HIVEP3: variants seen among roughly 807,000 people sequenced by gnomAD.
HIVEP3 encodes the protein HIVEP zinc finger 3.
In HIVEP3, 49 loss-of-function variants were observed where a neutral mutation model predicts 152.8. The ratio of observed to expected loss-of-function variants is 0.32; its 90% CI spans 0.26 to 0.41. The LOEUF (loss-of-function observed/expected upper bound fraction) is 0.41, where lower values mean the gene tolerates loss of function less well. Among genes scored for constraint, HIVEP3 ranks in the 10% least tolerant of loss-of-function variants. The probability of loss-of-function intolerance (pLI) is 1.00; values close to 1 mark genes in which losing one functional copy is unlikely to be tolerated. For synonymous variants in HIVEP3, 1,269 were observed against 1,289.0 expected (o/e 0.98, Z 0.33); for missense variants, 2,790 against 3,103.3 (o/e 0.90, Z 2.40).
chr1:41,730,856 G>A (rs552227702), intron 1 of HIVEP3, among the ~76,000 whole-genome samples: 1 of 152,294 alleles, frequency 6.6e-6, no homozygotes, highest in Non-Finnish European at 1.5e-5. Flanking sequence ...ATAGGCCAGG[G>A]TCCTATTCAG....
intron 5 of HIVEP3, among the ~76,000 whole-genome samples, chr1:41,562,643 CTCTTTCTT>C (rs58319899): frequency 1.7e-5 from 2 of 119,392 alleles, no homozygotes; most frequent in Non-Finnish European, 3.4e-5. Flanking sequence ...CCCTCTCTCT[CTCTTTCTT>C]TCTTTCTTTC....
chr1:42,012,025 G>T (rs1645495310), intron 1 of HIVEP3, among the ~76,000 whole-genome samples: 1 of 152,040 alleles, frequency 6.6e-6, no homozygotes. Context: ...CACCTCCAAG[G>T]CTCAGTCCAC....
chr1:41,796,352 C>G (rs555992100), intron 1 of HIVEP3, among the ~76,000 whole-genome samples: 1 of 152,350 alleles, frequency 6.6e-6, no homozygotes, highest in Admixed American at 6.5e-5. Context: ...CAGCTCTGTT[C>G]CTCTGGGCCT....
chr1:41,518,364 C>G lies in HIVEP3; in HGVS notation c.5470+38G>C, dbSNP rs758398323. On this transcript the variant is annotated intron_variant, in intron 7 of 8. Coordinates refer to ENST00000372583, the MANE Select transcript of HIVEP3 (RefSeq NM_024503.5). ...GGTGGAGGAGGATAGGGAAAGCGGACAAGGGGAAAGGGGACGGAGAAGGTT... is the reference window on the plus strand; with the variant it reads ...GGTGGAGGAGGATAGGGAAAGCGGAGAAGGGGAAAGGGGACGGAGAAGGTT... 4 of 1,554,660 alleles carry G rather than the reference C, an allele frequency of 2.6e-6. No homozygotes were observed. The South Asian group carries it at 4.5e-5, about 17-fold the overall frequency.
intron 2 of HIVEP3, among the ~76,000 whole-genome samples, chr1:41,631,997 C>T (rs1348248206): frequency 6.6e-6 from 1 of 152,172 alleles, no homozygotes; most frequent in East Asian, 1.9e-4. Context: ...TCCTGCCCAT[C>T]TTCCCTCAGG....
intron 3 of HIVEP3, among the ~76,000 whole-genome samples, chr1:41,622,667 T>C (rs749163160): frequency 2.0e-5 from 3 of 152,186 alleles, no homozygotes; most frequent in South Asian, 2.1e-4. Context: ...ATTCCTGCCA[T>C]AGACGCTGGA....
chr1:41,947,475 A>G (rs368077337), intron 1 of HIVEP3, among the ~76,000 whole-genome samples: 1 of 152,272 alleles, frequency 6.6e-6, no homozygotes, highest in Non-Finnish European at 1.5e-5. Flanking sequence ...ATTCCTTGGC[A>G]TAACAGGCTT....
chr1:41,954,126 C>T (rs1324035006), intron 1 of HIVEP3, among the ~76,000 whole-genome samples: 1 of 152,214 alleles, frequency 6.6e-6, no homozygotes, highest in African/African-American at 2.4e-5. Flanking sequence ...GAAGAGTGTG[C>T]ACCAGGCATC....
At chr1:41,963,460 T>C (rs1402706493) in intron 1 of HIVEP3, among the ~76,000 whole-genome samples, 3 of 150,632 alleles carry the variant, frequency 2.0e-5, no homozygotes, top group South Asian at 4.2e-4. Context: ...TAGGTGGGAA[T>C]TGAACAGTGA....
chr1:41,697,701 C>T (rs1375844613), intron 2 of HIVEP3, among the ~76,000 whole-genome samples: 1 of 152,218 alleles, frequency 6.6e-6, no homozygotes, highest in African/African-American at 2.4e-5. Flanking sequence ...TGATCTGAGG[C>T]CTTTGCTCCA....
At chr1:41,740,524 G>A (rs1646981479) in intron 1 of HIVEP3, among the ~76,000 whole-genome samples, 1 of 152,210 alleles carries the variant, frequency 6.6e-6, no homozygotes, top group South Asian at 2.1e-4. Flanking sequence ...AGCAGTTTTG[G>A]GTGCAAAGAG....
intron 1 of HIVEP3, chr1:42,035,710 G>A (rs1235914514): frequency 1.3e-5 from 2 of 152,034 alleles, no homozygotes; most frequent in African/African-American, 4.8e-5. Flanking sequence ...GCGCAGTCGG[G>A]AGCTGCGGCG....
At chr1:41,966,608 G>A (rs1645199817) in intron 1 of HIVEP3, among the ~76,000 whole-genome samples, 1 of 151,228 alleles carries the variant, frequency 6.6e-6, no homozygotes, top group Admixed American at 6.6e-5. Context: ...CGAGTAGCTG[G>A]GACTATAGGT....
At chr1:41,531,704 G>A (rs1187103477) in intron 5 of HIVEP3, among the ~76,000 whole-genome samples, 1 of 101,820 alleles carries the variant, frequency 9.8e-6, no homozygotes, top group Non-Finnish European at 2.0e-5. Context: ...CAGGGGAGAT[G>A]GAGGACAGGA....
Position 41,664,579 on chromosome 1 carries a change from C to T in HIVEP3, c.-720-35632G>A, listed in dbSNP as rs1188001027. 6.6e-6 allele frequency among the ~76,000 whole-genome samples: 1 copy of T among 152,170 alleles called. No homozygotes were observed. Among genetic ancestry groups the T allele is most frequent in the Non-Finnish European group, 1.5e-5 (1 of 68,030 alleles). On this transcript the variant is annotated intron_variant, in intron 2 of 8. Transcript: ENST00000372583. The surrounding 1 kb of genome is among the most constrained non-coding windows in gnomAD (Gnocchi z 4.4). ...CTTCAGGGAACTTTCCATCTTGATC[C>T]CTCTCCCCTCCCAGGACTGATAAGT...
intron 1 of HIVEP3, among the ~76,000 whole-genome samples, chr1:41,732,962 C>T (rs1231186433): frequency 7.2e-5 from 11 of 152,174 alleles, no homozygotes; most frequent in Non-Finnish European, 2.9e-5. Flanking sequence ...TAGGACCCAG[C>T]CCTGGGCCTG....
intron 1 of HIVEP3, among the ~76,000 whole-genome samples, chr1:41,813,867 T>C (rs1651108505): frequency 6.6e-6 from 1 of 152,188 alleles, no homozygotes; most frequent in African/African-American, 2.4e-5. Context: ...GCACAGCCTG[T>C]TGTGGTGGAG....
chr1:41,798,722 T>G (rs190464991), intron 1 of HIVEP3, among the ~76,000 whole-genome samples: 14 of 152,346 alleles, frequency 9.2e-5, no homozygotes, highest in Admixed American at 8.5e-4. Context: ...TGTGTTTGCA[T>G]TTGTTAAATC....
chr1:42,022,474 T>C (rs1645560304), intron 1 of HIVEP3, among the ~76,000 whole-genome samples: 1 of 152,208 alleles, frequency 6.6e-6, no homozygotes, highest in South Asian at 2.1e-4. Context: ...GTCCTATGTA[T>C]GGCTATAGCA....
Sources: allele counts gnomAD v4.1 joint callset (sites outside exome capture counted in the v4.1 genomes callset), GRCh38; gene constraint gnomAD v4.1.1; non-coding constraint Gnocchi (gnomAD v3.1); transcripts MANE v1.5; gene names NCBI Gene and HGNC (gene_info 2026-07-23, HGNC 2026-07-21).